IGFL3: variants seen among roughly 807,000 people sequenced by gnomAD.
IGFL3 encodes the protein IGF like family member 3, also known as insulin growth factor-like family member 3.
IGFL3 carries 12 observed loss-of-function variants against 17.0 expected under a neutral mutation model. The observed-to-expected ratio is 0.71, with a 90% confidence interval of 0.45 to 1.14. IGFL3 has a LOEUF of 1.14. Among genes scored for constraint, IGFL3 ranks in the 50% most tolerant of loss-of-function variants. The pLI is 0.00. For missense variants in IGFL3, 153 were observed against 151.6 expected, an observed-to-expected ratio of 1.01 and a Z score of -0.05; for synonymous variants, 52 against 57.4, an observed-to-expected ratio of 0.91 and a Z score of 0.42.
At chr19:46,121,955 A>G (rs1207388237) in intron 3 of IGFL3, among the ~76,000 whole-genome samples, 1 of 151,082 alleles carries the variant, frequency 6.6e-6, no homozygotes, top group Non-Finnish European at 1.5e-5. Context: ...TTTAAAATGT[A>G]AAAATGTAAA....
At chr19:46,121,604 A>C (rs2146713343) in intron 3 of IGFL3, among the ~76,000 whole-genome samples, 1 of 150,752 alleles carries the variant, frequency 6.6e-6, no homozygotes, top group South Asian at 2.1e-4. Context: ...AATTAGCCAG[A>C]GATAAAACAA....
chr19:46,123,347 A>G (rs1318010856), intron 3 of IGFL3, among the ~76,000 whole-genome samples: 2 of 150,854 alleles, frequency 1.3e-5, no homozygotes, highest in Non-Finnish European at 2.9e-5. Context: ...ACTGACATTA[A>G]CTAATAAAAA....
chr19:46,124,405 T>G (rs1971975487), intron 1 of IGFL3, 84 bp from the exon 2 acceptor site: 2 of 1,428,938 alleles, frequency 1.4e-6, no homozygotes, highest in Admixed American at 1.8e-5. Flanking sequence ...AAACAGAGGT[T>G]AGGGTGGTTT....
At position 46,123,873 on chromosome 19, in the gene IGFL3, T is replaced by A. The variant is rs1170857889; in HGVS notation, c.350+13A>T. On this transcript the variant is annotated intron_variant, in intron 3 of 3. Transcript: ENST00000341415. ...CTCATTCCTTTAGTTAAGAGCAAGG[T>A]AGGGACCTTTACCTGGTACAGCTCC... 1.9e-6 allele frequency: 3 copies of A among 1,602,680 alleles called. No individual in the cohort carries two copies. The highest frequency in any genetic ancestry group is 2.6e-6 in the Non-Finnish European group (3 of 1,175,192).
chr19:46,123,268 C>A (rs1971878095), intron 3 of IGFL3, among the ~76,000 whole-genome samples: 1 of 150,716 alleles, frequency 6.6e-6, no homozygotes, highest in Admixed American at 6.6e-5. Flanking sequence ...AGTTTTTCTC[C>A]AGGTATCTTA....
Position 46,120,312 on chromosome 19 carries a change from C to T in IGFL3, c.*18G>A. ...TCTTCTCCCCTTGTCTGCCGTCTGCCAGTGGAGCCTGGGGTTTTTATGGGT... is the reference window on the plus strand; with the variant it reads ...TCTTCTCCCCTTGTCTGCCGTCTGCTAGTGGAGCCTGGGGTTTTTATGGGT... On this transcript the variant is annotated 3_prime_UTR_variant, in exon 4 of 4. Coordinates refer to ENST00000341415, the MANE Select transcript of IGFL3 (RefSeq NM_207393.2). 1 of 1,610,844 alleles carries T rather than the reference C, an allele frequency of 6.2e-7. No homozygotes were observed. Among genetic ancestry groups the T allele is most frequent in the African/African-American group, 1.4e-5 (1 of 73,876 alleles).
chr19:46,120,931 A>G (rs1430941236), intron 3 of IGFL3, among the ~76,000 whole-genome samples: 1 of 150,890 alleles, frequency 6.6e-6, no homozygotes, highest in Non-Finnish European at 1.5e-5. Flanking sequence ...TACAACTATA[A>G]TTTGTCAATT....
At position 46,120,294 on chromosome 19, in the gene IGFL3, C is replaced by T. The variant is rs371685853; in HGVS notation, c.*36G>A. 6.2e-7 allele frequency: 1 copy of T among 1,610,234 alleles called. No homozygotes were observed. Among genetic ancestry groups the T allele is most frequent in the Middle Eastern group, 1.7e-4 (1 of 6,006 alleles). On this transcript the variant is annotated 3_prime_UTR_variant, in exon 4 of 4. Coordinates refer to ENST00000341415, the MANE Select transcript of IGFL3 (RefSeq NM_207393.2). The stretch of plus-strand genomic sequence containing the variant: ...ATGTCCAGCTGCTTCGTCTCTTCTC[C>T]CCTTGTCTGCCGTCTGCCAGTGGAG...
In IGFL3 at chr19:46,124,262, C is replaced by T; in HGVS notation, c.79+6G>A. On this transcript the variant is annotated splice_donor_region_variant and intron_variant, in intron 2 of 3. Coordinates refer to ENST00000341415, the MANE Select transcript of IGFL3 (RefSeq NM_207393.2). ...CCCTCCTCATTTTTCCCTGTCCTGT[C>T]CTTACCTGTAGTTCCTTTTGAACAC... is the stretch of plus-strand genomic sequence containing the variant. 2 of 1,610,534 alleles carry T rather than the reference C, an allele frequency of 1.2e-6. No homozygotes were observed. Among genetic ancestry groups the T allele is most frequent in the Non-Finnish European group, 1.7e-6 (2 of 1,178,880 alleles).
chr19:46,122,554 G>A (rs1014445737), intron 3 of IGFL3, among the ~76,000 whole-genome samples: 2 of 150,940 alleles, frequency 1.3e-5, no homozygotes, highest in African/African-American at 4.9e-5. Context: ...TTTAGAAAAT[G>A]ACAGATTTTT....
At chr19:46,123,830 T>A (rs1971923344) in intron 3 of IGFL3, 56 bp downstream of exon 3, 1 of 1,537,898 alleles carries the variant, frequency 6.5e-7, no homozygotes, top group Admixed American at 1.9e-5. Context: ...TCAAGCCCTC[T>A]GTATCCCTCA....
chr19:46,123,811 A>AG (rs1971922148), intron 3 of IGFL3, 75 bp downstream of exon 3: 1 of 1,463,650 alleles, frequency 6.8e-7, no homozygotes, highest in African/African-American at 1.5e-5. Context: ...CACAAACAGG[A>AG]GTTCCTCTTC....
At position 46,124,276 on chromosome 19, in the gene IGFL3, C is replaced by T. The variant is rs148630126; in HGVS notation, c.71G>A (p.Gly24Glu). The T allele has an allele frequency of 5.6e-6, 9 of 1,610,626 alleles. No homozygotes were observed. In the African/African-American group the frequency reaches 1.1e-4, roughly 19 times the overall value. ...ITVFLLQCSK[G>E]TTDAPVGSGL... is the part of the protein sequence containing the mutation. ...CCCTGTCCTGTCCTTACCTGTAGTT[C>T]CTTTTGAACACTGGAGGAGGAAGAC... The change falls in exon 2 of 4, where the codon GGA becomes GAA. Residue 24 changes from glycine to glutamate, a missense_variant. Physicochemically the swap from Gly to Glu is moderately conservative, Grantham distance 98. Coordinates refer to ENST00000341415, the MANE Select transcript of IGFL3 (RefSeq NM_207393.2).
chr19:46,123,109 A>G (rs1971866582), intron 3 of IGFL3, among the ~76,000 whole-genome samples: 1 of 150,912 alleles, frequency 6.6e-6, no homozygotes, highest in South Asian at 2.1e-4. Context: ...AATTATTCCA[A>G]CAGCTACAGG....
At position 46,123,820 on chromosome 19, in the gene IGFL3, T is replaced by C. The variant is rs561356150; in HGVS notation, c.350+66A>G. 3.5e-5 allele frequency: 53 copies of C among 1,505,534 alleles called. 2 individuals carry two copies. In the East Asian group the frequency reaches 1.1e-3, roughly 30 times the overall value. The allele number at this position is 1,505,534 out of a possible 1,614,324, so 93.3% of individuals were successfully genotyped here. On this transcript the variant is annotated intron_variant, in intron 3 of 3. Transcript: ENST00000341415. Reference sequence around the variant, plus strand: ...GAACTCCACAAACAGGAGTTCCTCTTCAAGCCCTCTGTATCCCTCATCCCT... The same window carrying C: ...GAACTCCACAAACAGGAGTTCCTCTCCAAGCCCTCTGTATCCCTCATCCCT...
intron 3 of IGFL3, 127 bp from the exon 4 acceptor site, chr19:46,120,484 A>G: frequency 2.2e-6 from 3 of 1,352,758 alleles, no homozygotes; most frequent in Non-Finnish European, 3.0e-6. Context: ...ATGTGTAGAT[A>G]TCAACAGAAG....
chr19:46,120,418 C>A, intron 3 of IGFL3, 61 bp from the exon 4 acceptor site: 1 of 1,604,772 alleles, frequency 6.2e-7, no homozygotes, highest in African/African-American at 1.4e-5. Flanking sequence ...AAAAATTATC[C>A]CCTACAAAAG....
Position 46,120,155 on chromosome 19 carries a change from C to T in IGFL3, c.*175G>A. On this transcript the variant is annotated 3_prime_UTR_variant, in exon 4 of 4. Transcript: ENST00000341415. ...CTGGAAAGGGGATGAAGCAGGAAGGCATTCTTCCCCTGAAGTCTGGCCATC... is the reference window on the plus strand; with the variant it reads ...CTGGAAAGGGGATGAAGCAGGAAGGTATTCTTCCCCTGAAGTCTGGCCATC... 1 of 797,952 alleles carries T rather than the reference C, an allele frequency of 1.3e-6. No individual in the cohort carries two copies. The highest frequency in any genetic ancestry group is 2.0e-5 in the South Asian group (1 of 49,104). The allele number at this position is 797,952 out of a possible 1,614,324, so 49.4% of individuals were successfully genotyped here.
rs1318215626 is a variant in IGFL3 at position 46,122,428 on chromosome 19, G to A, written c.350+1458C>T. Among the ~76,000 whole-genome samples, 2 of 151,084 alleles carry A rather than the reference G, an allele frequency of 1.3e-5. 1 individual carries two copies. The highest frequency in any genetic ancestry group is 2.9e-5 in the Non-Finnish European group (2 of 67,968). On this transcript the variant is annotated intron_variant, in intron 3 of 3. Transcript: ENST00000341415. ...AAAGATCAGCTTATGGAACAAATAG[G>A]TGAAGTCATTTCCTGAGCCAAAAGA...
Sources: allele counts gnomAD v4.1 joint callset (sites outside exome capture counted in the v4.1 genomes callset), GRCh38; gene constraint gnomAD v4.1.1; transcripts MANE v1.5; gene names NCBI Gene and HGNC (gene_info 2026-07-23, HGNC 2026-07-21).